The following THSD7B variants were observed in gnomAD, a reference collection of about 807,000 sequenced individuals.
THSD7B encodes the protein thrombospondin type 1 domain containing 7B.
Under a neutral mutation model 213.6 loss-of-function variants are expected in THSD7B, and 138 were observed. That is an observed-to-expected ratio of 0.65 (90% CI 0.56 to 0.74). The LOEUF is 0.74. Ranked by LOEUF, THSD7B falls within the 30% of genes least tolerant of loss-of-function variation. The probability of loss-of-function intolerance (pLI) is 0.00; values close to 1 mark genes in which losing one functional copy is unlikely to be tolerated. For synonymous variants in THSD7B, 742 were observed against 687.0 expected (o/e 1.08, Z -1.25); for missense variants, 1,931 against 1,991.5 (o/e 0.97, Z 0.58).
At chr2:137,401,395 C>T (rs1030176080) in intron 12 of THSD7B, among the ~76,000 whole-genome samples, 2 of 152,136 alleles carry the variant, frequency 1.3e-5, no homozygotes, top group Non-Finnish European at 2.9e-5. Flanking sequence ...TTTTCATACC[C>T]TCTAGTATAA....
chr2:136,776,839 C>G (rs539190496), intron 1 of THSD7B, among the ~76,000 whole-genome samples: 1 of 152,112 alleles, frequency 6.6e-6, no homozygotes, highest in Non-Finnish European at 1.5e-5. Flanking sequence ...CATGCACACA[C>G]TTGTGCGCTC....
At chr2:137,485,618 G>A (rs1410915934) in intron 15 of THSD7B, among the ~76,000 whole-genome samples, 3 of 152,204 alleles carry the variant, frequency 2.0e-5, no homozygotes, top group African/African-American at 4.8e-5. Flanking sequence ...GCAAGGCAGG[G>A]CAACGTTCAG....
chr2:136,835,482 A>C (rs1270149016), intron 1 of THSD7B, among the ~76,000 whole-genome samples: 1 of 152,222 alleles, frequency 6.6e-6, no homozygotes, highest in African/African-American at 2.4e-5. Context: ...TGAATTCATT[A>C]TATTTTTTAG....
chr2:137,013,077 A>G (rs985549135), intron 2 of THSD7B, among the ~76,000 whole-genome samples: 1 of 152,194 alleles, frequency 6.6e-6, no homozygotes, highest in African/African-American at 2.4e-5. Flanking sequence ...TTTATTTGAA[A>G]AATACATAAA....
At chr2:137,038,248 C>T (rs971288463) in intron 2 of THSD7B, among the ~76,000 whole-genome samples, 1 of 152,116 alleles carries the variant, frequency 6.6e-6, no homozygotes, top group Non-Finnish European at 1.5e-5. Flanking sequence ...AAATATTTGA[C>T]GTTTTCTTGA....
At chr2:137,599,848 T>G (rs1243870254) in intron 17 of THSD7B, among the ~76,000 whole-genome samples, 1 of 152,172 alleles carries the variant, frequency 6.6e-6, no homozygotes, top group Non-Finnish European at 1.5e-5. Flanking sequence ...ACAAAAAGCA[T>G]ATGGAGTGAC....
chr2:137,117,673 C>T (rs2104940903), intron 5 of THSD7B, among the ~76,000 whole-genome samples: 1 of 152,190 alleles, frequency 6.6e-6, no homozygotes. Flanking sequence ...CCCCATCATC[C>T]ACTGGTGATT....
intron 15 of THSD7B, among the ~76,000 whole-genome samples, chr2:137,556,581 CA>C (rs566048561): frequency 1.9e-3 from 293 of 152,290 alleles, no homozygotes; most frequent in Non-Finnish European, 3.3e-3. Context: ...CCAGCCACTG[CA>C]AAAACATGCC....
intron 12 of THSD7B, among the ~76,000 whole-genome samples, chr2:137,303,717 T>A (rs1203998745): frequency 7.7e-6 from 1 of 130,008 alleles, no homozygotes; most frequent in Non-Finnish European, 1.6e-5. Context: ...TATATATATT[T>A]ATATATATAT....
At chr2:137,606,617 G>T (rs1682183126) in intron 17 of THSD7B, among the ~76,000 whole-genome samples, 1 of 152,076 alleles carries the variant, frequency 6.6e-6, no homozygotes, top group South Asian at 2.1e-4. Flanking sequence ...CTACTCTGCT[G>T]GCAGAGACTG....
At chr2:136,808,591 G>C (rs1682325651) in intron 1 of THSD7B, among the ~76,000 whole-genome samples, 1 of 152,186 alleles carries the variant, frequency 6.6e-6, no homozygotes, top group Non-Finnish European at 1.5e-5. Context: ...TTGGCTAAAT[G>C]CTTAGATGTG....
At chr2:137,035,054 A>G (rs1465248349) in intron 2 of THSD7B, among the ~76,000 whole-genome samples, 1 of 152,172 alleles carries the variant, frequency 6.6e-6, no homozygotes, top group Non-Finnish European at 1.5e-5. Context: ...AGAGCTCTAC[A>G]ACGTGCTACA....
At chr2:137,476,239 T>C (rs1396835429) in intron 15 of THSD7B, among the ~76,000 whole-genome samples, 2 of 152,166 alleles carry the variant, frequency 1.3e-5, no homozygotes, top group African/African-American at 2.4e-5. Context: ...GAATAAATAG[T>C]TTGCAAATAT....
At chr2:137,154,820 A>G (rs959451956) in intron 5 of THSD7B, among the ~76,000 whole-genome samples, 1 of 152,204 alleles carries the variant, frequency 6.6e-6, no homozygotes. Flanking sequence ...TCATTAAGGA[A>G]AATGGTAAAC....
intron 12 of THSD7B, among the ~76,000 whole-genome samples, chr2:137,287,890 A>G (rs1683222460): frequency 6.6e-6 from 1 of 152,086 alleles, no homozygotes; most frequent in Admixed American, 6.5e-5. Context: ...TCCCTTCAGG[A>G]ATGCTAATAT....
intron 2 of THSD7B, among the ~76,000 whole-genome samples, chr2:136,997,293 T>C (rs1241215511): frequency 6.6e-6 from 1 of 152,214 alleles, no homozygotes; most frequent in Non-Finnish European, 1.5e-5. Flanking sequence ...TAAAATGAAG[T>C]TGTTTAATTG....
chr2:136,897,125 A>T (rs1683973532), intron 2 of THSD7B, among the ~76,000 whole-genome samples: 2 of 151,272 alleles, frequency 1.3e-5, no homozygotes, highest in African/African-American at 2.4e-5. Context: ...ATTTTTAATT[A>T]AAAAAAAATT....
At chr2:137,278,541 T>C (rs1682924892) in intron 12 of THSD7B, among the ~76,000 whole-genome samples, 1 of 152,134 alleles carries the variant, frequency 6.6e-6, no homozygotes, top group South Asian at 2.1e-4. Flanking sequence ...ATAGAGTATA[T>C]GCCTCATCAA....
At position 137,487,300 on chromosome 2, in the gene THSD7B, G is replaced by A. The variant is rs1158089012; in HGVS notation, c.3138+36277G>A. 2.2e-4 allele frequency among the ~76,000 whole-genome samples: 30 copies of A among 138,452 alleles called. 1 individual carries two copies. The highest frequency in any genetic ancestry group is 6.6e-4 in the East Asian group (3 of 4,560). 90.8% of individuals were successfully genotyped at this position (138,452 alleles called of 152,430 possible). On this transcript the variant is annotated intron_variant, in intron 15 of 27. Transcript: ENST00000409968. ...GGAGAATGGCGTGAACCCGGGAAGCGGAGCTTGCAGTGAGCCGAGATTGCG... is the reference window on the plus strand; with the variant it reads ...GGAGAATGGCGTGAACCCGGGAAGCAGAGCTTGCAGTGAGCCGAGATTGCG...
Sources: gnomAD v4.1 joint callset for allele counts (sites outside exome capture counted in the v4.1 genomes callset) on GRCh38, gnomAD v4.1.1 for gene constraint, MANE v1.5 for transcripts, NCBI Gene and HGNC (gene_info 2026-07-23, HGNC 2026-07-21) for gene names.